Variants in L2HGDH observed in about 807,000 individuals in gnomAD.
L2HGDH encodes L-2-hydroxyglutarate dehydrogenase.
L2HGDH carries 34 observed loss-of-function variants against 51.5 expected under a neutral mutation model. The observed-to-expected ratio is 0.66, with a 90% confidence interval of 0.50 to 0.88. The LOEUF (loss-of-function observed/expected upper bound fraction) is 0.88, where lower values mean the gene tolerates loss of function less well. L2HGDH is among the 40% of genes least tolerant of loss of function. The probability of loss-of-function intolerance (pLI) is 0.00; values close to 1 mark genes in which losing one functional copy is unlikely to be tolerated. For synonymous variants in L2HGDH, 198 were observed against 197.9 expected (o/e 1.00, Z -0.01); for missense variants, 558 against 571.9 (o/e 0.98, Z 0.25).
Position 50,306,338 on chromosome 14 carries a change from C to T in L2HGDH, c.141-3321G>A, listed in dbSNP as rs144662547. Among the ~76,000 whole-genome samples, 144 of 152,116 alleles carry T rather than the reference C, an allele frequency of 9.5e-4. 2 individuals carry two copies. Among genetic ancestry groups the T allele is most frequent in the East Asian group, 3.5e-3 (18 of 5,172 alleles). On this transcript the variant is annotated intron_variant, in intron 1 of 9. Coordinates refer to ENST00000267436, the MANE Select transcript of L2HGDH (RefSeq NM_024884.3). Reference sequence around the variant, plus strand: ...TGCTGGGATTACAGGTGTGAACCACCGTGCCCAGCTGTATTTTTTTAATTT... The same window carrying T: ...TGCTGGGATTACAGGTGTGAACCACTGTGCCCAGCTGTATTTTTTTAATTT...
intron 6 of L2HGDH, among the ~76,000 whole-genome samples, chr14:50,272,318 T>C (rs1889741883): frequency 6.6e-6 from 1 of 152,182 alleles, no homozygotes; most frequent in Admixed American, 6.5e-5. Flanking sequence ...TATTCTATCA[T>C]ATGATGCTAT....
At chr14:50,308,748 G>A (rs1207813663) in intron 1 of L2HGDH, among the ~76,000 whole-genome samples, 2 of 152,160 alleles carry the variant, frequency 1.3e-5, no homozygotes. Context: ...CTCAGTAACT[G>A]CAGTCTTGGG....
chr14:50,300,695 C>T (rs917479835), intron 3 of L2HGDH, among the ~76,000 whole-genome samples: 1 of 152,066 alleles, frequency 6.6e-6, no homozygotes, highest in Admixed American at 6.5e-5. Flanking sequence ...CACAGTGGCT[C>T]ACATCTGTAA....
chr14:50,311,486 A>G (rs992213727), intron 1 of L2HGDH: 26 of 456,160 alleles, frequency 5.7e-5, no homozygotes, highest in African/African-American at 5.0e-4. Flanking sequence ...CAAACTATAA[A>G]TCACAGGACA....
At chr14:50,278,625 A>G in intron 5 of L2HGDH, 71 bp from the exon 6 acceptor site, 1 of 803,828 alleles carries the variant, frequency 1.2e-6, no homozygotes, top group South Asian at 1.6e-5. Context: ...ATCATACTAG[A>G]AACAAACTTA....
At chr14:50,275,674 C>T (rs11851290) in intron 6 of L2HGDH, among the ~76,000 whole-genome samples, 2,148 of 152,298 alleles carry the variant, frequency 0.014, 49 homozygotes, top group African/African-American at 0.049. Context: ...ATAGCACTAG[C>T]TGGCTGGCAA....
chr14:50,308,703 C>T (rs2030876763), intron 1 of L2HGDH, among the ~76,000 whole-genome samples: 1 of 152,122 alleles, frequency 6.6e-6, no homozygotes, highest in African/African-American at 2.4e-5. Flanking sequence ...ATGGCAGTTT[C>T]TTAAAAAGAA....
intron 1 of L2HGDH, among the ~76,000 whole-genome samples, chr14:50,303,627 A>C (rs938987969): frequency 2.6e-5 from 4 of 151,350 alleles, no homozygotes; most frequent in African/African-American, 9.7e-5. Flanking sequence ...AAATACAAAA[A>C]TTAGCTGGGT....
chr14:50,253,420 G>C (rs1204455298), intron 9 of L2HGDH, among the ~76,000 whole-genome samples: 1 of 152,034 alleles, frequency 6.6e-6, no homozygotes, highest in African/African-American at 2.4e-5. Context: ...ATGGCAAACA[G>C]GCATATGAAA....
intron 6 of L2HGDH, among the ~76,000 whole-genome samples, chr14:50,275,128 C>T (rs1240997567): frequency 6.6e-6 from 1 of 152,112 alleles, no homozygotes; most frequent in Non-Finnish European, 1.5e-5. Flanking sequence ...TAAGTGTTCT[C>T]ATCACATACA....
chr14:50,281,633 C>G (rs911522100), intron 5 of L2HGDH, among the ~76,000 whole-genome samples: 1 of 152,050 alleles, frequency 6.6e-6, no homozygotes, highest in African/African-American at 2.4e-5. Flanking sequence ...AATTATCATT[C>G]ATAGTTATAA....
At chr14:50,282,460 C>T in intron 5 of L2HGDH, 1 of 455,894 alleles carries the variant, frequency 2.2e-6, no homozygotes, top group Non-Finnish European at 4.4e-6. Context: ...ATGAAGCTTT[C>T]CACCTGACAT....
At chr14:50,263,649 T>C (rs1176957577) in intron 9 of L2HGDH, among the ~76,000 whole-genome samples, 2 of 152,136 alleles carry the variant, frequency 1.3e-5, no homozygotes, top group African/African-American at 4.8e-5. Context: ...CACTGCTGAT[T>C]AGGCCTAACG....
chr14:50,246,600 A>T lies in L2HGDH; in HGVS notation c.*458T>A, dbSNP rs1283416366. On this transcript the variant is annotated 3_prime_UTR_variant, in exon 10 of 10. Transcript: ENST00000267436. ...GGAGCTGGAACTACAGAGGCACCAG[A>T]CCCAGCTAACTTTGTGTAGAAACAG... 6.1e-6 allele frequency: 1 copy of T among 164,524 alleles called. No individual in the cohort carries two copies. The highest frequency in any genetic ancestry group is 1.3e-5 in the Non-Finnish European group (1 of 75,962). 10.2% of individuals were successfully genotyped at this position (164,524 alleles called of 1,614,324 possible). A position where few individuals can be genotyped will look rare whatever the true frequency, so the allele number is the denominator to read the frequency against.
Position 50,243,424 on chromosome 14 carries a change from A to C in L2HGDH, c.*3634T>G. On this transcript the variant is annotated 3_prime_UTR_variant, in exon 10 of 10. Coordinates refer to ENST00000267436, the MANE Select transcript of L2HGDH (RefSeq NM_024884.3). ...CAGTTTATGTTTTACACATAAAAAA[A>C]TTTATTTGCATAAAAGTTTTTATGG... 1 of 958,836 alleles carries C rather than the reference A, an allele frequency of 1.0e-6. No homozygotes were observed. Among genetic ancestry groups the C allele is most frequent in the Non-Finnish European group, 1.2e-6 (1 of 805,978 alleles). The allele number at this position is 958,836 out of a possible 1,614,324, so 59.4% of individuals were successfully genotyped here.
intron 4 of L2HGDH, among the ~76,000 whole-genome samples, chr14:50,289,579 C>G (rs1595124276): frequency 6.6e-6 from 1 of 152,170 alleles, no homozygotes; most frequent in East Asian, 1.9e-4. Context: ...CCAGAGGAGG[C>G]TGGCTTTATA....
intron 4 of L2HGDH, among the ~76,000 whole-genome samples, chr14:50,293,586 A>G (rs2029876488): frequency 6.6e-6 from 1 of 152,150 alleles, no homozygotes. Context: ...TCTGAAGACA[A>G]TATTAAGAAA....
At chr14:50,292,911 C>A (rs919991547) in intron 4 of L2HGDH, among the ~76,000 whole-genome samples, 1 of 151,612 alleles carries the variant, frequency 6.6e-6, no homozygotes, top group Non-Finnish European at 1.5e-5. Context: ...CTACTATAGT[C>A]CAAGCTACTA....
At chr14:50,295,406 C>CTATT (rs1211950349) in intron 3 of L2HGDH, among the ~76,000 whole-genome samples, 6 of 151,702 alleles carry the variant, frequency 4.0e-5, no homozygotes, top group East Asian at 1.9e-4. Context: ...TTTAAAATTT[C>CTATT]TATTTATTTA....
Sources: gnomAD v4.1 joint callset for allele counts (sites outside exome capture counted in the v4.1 genomes callset) on GRCh38, gnomAD v4.1.1 for gene constraint, MANE v1.5 for transcripts, NCBI Gene and HGNC (gene_info 2026-07-23, HGNC 2026-07-21) for gene names.